The following BRD1 variants were observed in gnomAD, a reference collection of about 807,000 sequenced individuals.
BRD1 encodes bromodomain-containing protein 1.
In BRD1, 24 loss-of-function variants were observed where a neutral mutation model predicts 107.7. The observed-to-expected ratio is 0.22, with a 90% CI of 0.16 to 0.31. The LOEUF (loss-of-function observed/expected upper bound fraction) is 0.31, where lower values mean the gene tolerates loss of function less well. Among genes scored for constraint, BRD1 ranks in the 10% least tolerant of loss-of-function variants. BRD1 has a pLI of 1.00. For missense variants in BRD1, 1,279 were observed against 1,638.6 expected, an observed-to-expected ratio of 0.78 and a Z score of 3.79; for synonymous variants, 744 against 686.1, an observed-to-expected ratio of 1.08 and a Z score of -1.32.
At chr22:49,784,964 A>C (rs1179487908) in intron 8 of BRD1, among the ~76,000 whole-genome samples, 1 of 152,220 alleles carries the variant, frequency 6.6e-6, no homozygotes, top group East Asian at 1.9e-4. Flanking sequence ...CGGAAATGAG[A>C]GAGCAGAAAT....
chr22:49,826,084 T>C, intron 1 of BRD1: 1 of 804,762 alleles, frequency 1.2e-6, no homozygotes, highest in Non-Finnish European at 1.5e-6. Context: ...AGAGCGACCC[T>C]AGTGCACCCG....
At chr22:49,808,962 CAA>C (rs528554696) in intron 2 of BRD1, among the ~76,000 whole-genome samples, 1 of 151,134 alleles carries the variant, frequency 6.6e-6, no homozygotes, top group African/African-American at 2.4e-5. Flanking sequence ...ACTAAAAATA[CAA>C]AAAAATTAGC....
Position 49,774,241 on chromosome 22 carries a change from T to C in BRD1, c.3562A>G (p.Ile1188Val), listed in dbSNP as rs1185886294. 3.1e-6 allele frequency: 5 copies of C among 1,613,322 alleles called. No individual in the cohort carries two copies. The African/African-American group carries it at 4.0e-5, about 13-fold the overall frequency. The change falls in exon 13 of 13, where the codon ATT (isoleucine) becomes GTT (valine). Residue 1188 changes from isoleucine (I) to valine (V), a missense_variant. By Grantham distance (29) the Ile-to-Val change is conservative. Coordinates refer to ENST00000404760, the MANE Select transcript of BRD1 (RefSeq NM_001304808.3). ...HGEPTSDLSD[I>V]D ...CGCTGGCGGCCGGGCCGTCAGTCAA[T>C]GTCACTGAGGTCGCTGGTCGGCTCC...
At chr22:49,781,085 C>T (rs2146966474) in intron 8 of BRD1, among the ~76,000 whole-genome samples, 1 of 152,350 alleles carries the variant, frequency 6.6e-6, no homozygotes, top group Non-Finnish European at 1.5e-5. Context: ...GAAAGAGCCG[C>T]TGCCCCATCA....
In BRD1 at chr22:49,787,605, G is replaced by C. The variant is rs948849960; in HGVS notation, c.2642C>G (p.Thr881Ser). ...TTTCGATTTGCAGAAGAGAACAGAA[G>C]TGCGTCTGTTTACATCGCTTGCTGG... ...AEPASDVNRR[T>S]SVLFCKSKSV... Residue 881 changes from threonine to serine, a missense_variant, in exon 8 of 13, where the codon ACT becomes AGT. This residue lies in a region of BRD1 where 263 missense variants were observed against 251.6 expected (regional missense o/e 1.05). Coordinates refer to ENST00000404760, the MANE Select transcript of BRD1 (RefSeq NM_001304808.3). The C allele has an allele frequency of 7.2e-5, 112 of 1,554,042 alleles. No individual in the cohort carries two copies. Among genetic ancestry groups the C allele is most frequent in the Non-Finnish European group, 9.4e-5 (108 of 1,148,532 alleles).
chr22:49,776,642 C>T (rs1178748993), intron 10 of BRD1, among the ~76,000 whole-genome samples: 2 of 152,206 alleles, frequency 1.3e-5, no homozygotes, highest in African/African-American at 4.8e-5. Flanking sequence ...GCTGTGCGAC[C>T]CCAAACCCTG....
At chr22:49,784,527 G>A (rs112870169) in intron 8 of BRD1, among the ~76,000 whole-genome samples, 6 of 152,238 alleles carry the variant, frequency 3.9e-5, no homozygotes, top group African/African-American at 1.4e-4. Context: ...GCCCGCGGGC[G>A]ACACGGGCAG....
chr22:49,795,316 C>A (rs528308316), intron 6 of BRD1, among the ~76,000 whole-genome samples: 1 of 152,192 alleles, frequency 6.6e-6, no homozygotes, highest in Non-Finnish European at 1.5e-5. Flanking sequence ...AGGTGTCGGC[C>A]GTGCTGAGAA....
At chr22:49,818,985 C>T (rs1041613252) in intron 2 of BRD1, among the ~76,000 whole-genome samples, 8 of 151,984 alleles carry the variant, frequency 5.3e-5, no homozygotes, top group Non-Finnish European at 4.4e-5. Context: ...GGGCTGGGTG[C>T]GGTGGTTCAC....
intron 8 of BRD1, among the ~76,000 whole-genome samples, chr22:49,780,070 G>A (rs530506172): frequency 3.3e-5 from 5 of 152,294 alleles, no homozygotes; most frequent in African/African-American, 7.2e-5. Context: ...CTGGTTGGCC[G>A]AGCAACGGCC....
intron 6 of BRD1, among the ~76,000 whole-genome samples, chr22:49,796,530 G>T (rs1394757769): frequency 2.0e-5 from 3 of 151,696 alleles, no homozygotes; most frequent in Non-Finnish European, 4.4e-5. Context: ...CTAATTTTTT[G>T]TGTTTGCAGT....
In BRD1 at chr22:49,824,728, C is replaced by T; in HGVS notation, c.-14-397G>A. 2 of 1,061,852 alleles carry T rather than the reference C, an allele frequency of 1.9e-6. No homozygotes were observed. The highest frequency in any genetic ancestry group is 2.3e-6 in the Non-Finnish European group (2 of 875,758). 65.8% of individuals were successfully genotyped at this position (1,061,852 alleles called of 1,614,324 possible). A position where few individuals can be genotyped will look rare whatever the true frequency, so the allele number is the denominator to read the frequency against. ...GGCGGTCCCCCAGGAAGTCCACATA[C>T]AGGGCTGGACCCCACCAGGCACAGA... On this transcript the variant is annotated intron_variant, in intron 1 of 12. Coordinates refer to ENST00000404760, the MANE Select transcript of BRD1 (RefSeq NM_001304808.3). This position sits in a 1 kb window ranked among gnomAD's most constrained non-coding sequence, Gnocchi z 5.9.
At chr22:49,775,390 G>C in intron 12 of BRD1, 1 of 444,670 alleles carries the variant, frequency 2.2e-6, no homozygotes, top group Non-Finnish European at 3.8e-6. Flanking sequence ...CCGGTGCTCA[G>C]TGCCCGTCCC....
chr22:49,805,283 C>G (rs1472741289), intron 2 of BRD1, among the ~76,000 whole-genome samples: 1 of 152,230 alleles, frequency 6.6e-6, no homozygotes, highest in Non-Finnish European at 1.5e-5. Context: ...CCGGCAGAAC[C>G]TGGCTCAAGC....
chr22:49,790,795 C>T (rs1418840750), intron 7 of BRD1, among the ~76,000 whole-genome samples: 1 of 152,244 alleles, frequency 6.6e-6, no homozygotes, highest in Non-Finnish European at 1.5e-5. Flanking sequence ...GCACCTTCTA[C>T]CCCGAGGAAC....
rs56923568 is a variant in BRD1 at position 49,776,469 on chromosome 22, G to A, written c.3122-310C>T. 5.7e-3 allele frequency among the ~76,000 whole-genome samples: 865 copies of A among 152,326 alleles called. 6 individuals carry two copies. The highest frequency in any genetic ancestry group is 0.018 in the African/African-American group (750 of 41,556). The stretch of plus-strand genomic sequence containing the variant: ...TCTGAGCCCTCCTTGCCGCAAGGAC[G>A]GGGCTCCCAGCATGCTCCTGCCTCA... On this transcript the variant is annotated intron_variant, in intron 10 of 12. Transcript: ENST00000404760.
chr22:49,774,592 C>T (rs765944349), intron 12 of BRD1, among the ~76,000 whole-genome samples, 176 bp from the exon 13 acceptor site: 9 of 152,120 alleles, frequency 5.9e-5, no homozygotes, highest in Non-Finnish European at 1.3e-4. Flanking sequence ...GCACCCCTCC[C>T]TTCCCCTCCC....
At position 49,824,939 on chromosome 22, in the gene BRD1, A is replaced by T; in HGVS notation, c.-14-608T>A. The T allele has an allele frequency of 4.5e-6, 2 of 446,460 alleles. No homozygotes were observed. Among genetic ancestry groups the T allele is most frequent in the South Asian group, 1.7e-4 (2 of 11,510 alleles). The allele number at this position is 446,460 out of a possible 1,614,324, so 27.7% of individuals were successfully genotyped here. ...ACAGATCACAGCCTGTCCATCCTCT[A>T]TAGACAGGCCCTCCACACGCACAAC... On this transcript the variant is annotated intron_variant, in intron 1 of 12. Coordinates refer to ENST00000404760, the MANE Select transcript of BRD1 (RefSeq NM_001304808.3). This position sits in a 1 kb window ranked among gnomAD's most constrained non-coding sequence, Gnocchi z 5.9.
At position 49,823,735 on chromosome 22, in the gene BRD1, T is replaced by C. The variant is rs1299393773; in HGVS notation, c.583A>G (p.Lys195Glu). 6.2e-7 allele frequency: 1 copy of C among 1,613,976 alleles called. No individual in the cohort carries two copies. Among genetic ancestry groups the C allele is most frequent in the African/African-American group, 1.3e-5 (1 of 74,948 alleles). The change falls in exon 2 of 13, where the codon AAG becomes GAG. Residue 195 changes from lysine to glutamate, a missense_variant. By Grantham distance (56) the Lys-to-Glu change is moderately conservative (BLOSUM62 1). Coordinates refer to ENST00000404760, the MANE Select transcript of BRD1 (RefSeq NM_001304808.3). ...MFEFLMDRFEKESHCENQKQG... is the reference protein window; with the variant it reads ...MFEFLMDRFEEESHCENQKQG... ...TTCTGGTTCTCGCAGTGCGACTCCT[T>C]CTCGAAGCGGTCCATCAGGAACTCA...
Sources: gnomAD v4.1 joint callset for allele counts (sites outside exome capture counted in the v4.1 genomes callset) on GRCh38, gnomAD v4.1.1 for gene constraint, gnomAD v4.1.1 regional missense constraint, Gnocchi (gnomAD v3.1) non-coding constraint, MANE v1.5 for transcripts, NCBI Gene and HGNC (gene_info 2026-07-23, HGNC 2026-07-21) for gene names.